Variants in CCDC146 observed in about 807,000 individuals in gnomAD.
CCDC146 encodes the protein coiled-coil domain containing 146, also known as coiled-coil domain-containing protein 146.
In CCDC146, 92 loss-of-function variants were observed where a neutral mutation model predicts 119.3. The observed-to-expected ratio is 0.77, with a 90% confidence interval of 0.65 to 0.92. The LOEUF (loss-of-function observed/expected upper bound fraction) is 0.92. Among genes scored for constraint, CCDC146 ranks in the 40% least tolerant of loss-of-function variants. The probability of loss-of-function intolerance (pLI) is 0.00; values close to 1 mark genes in which losing one functional copy is unlikely to be tolerated. For synonymous variants in CCDC146, 372 were observed against 371.8 expected, an observed-to-expected ratio of 1.00 and a Z score of -0.01; for missense variants, 1,000 against 1,103.0, an observed-to-expected ratio of 0.91 and a Z score of 1.32.
chr7:77,127,153 AC>A (rs951336352), intron 1 of CCDC146, among the ~76,000 whole-genome samples: 47 of 152,220 alleles, frequency 3.1e-4, no homozygotes, highest in African/African-American at 1.1e-3. Flanking sequence ...TGGCAGCTGC[AC>A]CCAGGGAGCT....
chr7:77,288,990 T>G (rs17151097), intron 17 of CCDC146, among the ~76,000 whole-genome samples: 37,028 of 152,096 alleles, frequency 0.24, 5,342 homozygotes, highest in African/African-American at 0.39. Context: ...TTGACTATTA[T>G]GCTTCTGCTC....
intron 4 of CCDC146, among the ~76,000 whole-genome samples, chr7:77,247,743 C>A (rs1474016482): frequency 6.6e-6 from 1 of 152,128 alleles, no homozygotes; most frequent in Non-Finnish European, 1.5e-5. Context: ...AATGATATAT[C>A]ATTTTATACC....
intron 2 of CCDC146, among the ~76,000 whole-genome samples, chr7:77,220,496 G>A (rs1562837166): frequency 6.6e-6 from 1 of 152,180 alleles, no homozygotes; most frequent in Non-Finnish European, 1.5e-5. Flanking sequence ...AGAGATTAAA[G>A]TAAAGACAGG....
At chr7:77,131,439 C>T (rs993430810) in intron 1 of CCDC146, among the ~76,000 whole-genome samples, 31 of 151,976 alleles carry the variant, frequency 2.0e-4, no homozygotes, top group Non-Finnish European at 4.0e-4. Context: ...AAGAACAGGC[C>T]GGGTGCAGTG....
At chr7:77,184,787 T>C (rs1441072615) in intron 2 of CCDC146, among the ~76,000 whole-genome samples, 1 of 152,218 alleles carries the variant, frequency 6.6e-6, no homozygotes, top group Non-Finnish European at 1.5e-5. Flanking sequence ...CTAGGTTAAA[T>C]AGGGACATTA....
chr7:77,158,612 C>T (rs939213232), intron 1 of CCDC146, among the ~76,000 whole-genome samples: 1 of 152,070 alleles, frequency 6.6e-6, no homozygotes, highest in Non-Finnish European at 1.5e-5. Flanking sequence ...CTCTGCCTTC[C>T]AGGTTCAAAC....
intron 4 of CCDC146, among the ~76,000 whole-genome samples, chr7:77,249,649 G>T (rs1207748414): frequency 1.3e-5 from 2 of 151,820 alleles, no homozygotes; most frequent in Non-Finnish European, 2.9e-5. Context: ...TGTTAGCATG[G>T]CATATCTTTC....
intron 1 of CCDC146, among the ~76,000 whole-genome samples, chr7:77,139,280 C>T (rs1790901144): frequency 6.6e-6 from 1 of 152,170 alleles, no homozygotes; most frequent in South Asian, 2.1e-4. Context: ...TACTGCATGA[C>T]TTCAGCTATA....
intron 17 of CCDC146, among the ~76,000 whole-genome samples, chr7:77,291,904 A>G (rs1442343450): frequency 2.0e-5 from 3 of 152,248 alleles, no homozygotes; most frequent in African/African-American, 7.2e-5. Context: ...TCTGCTGATT[A>G]TCTTATATAA....
intron 1 of CCDC146, among the ~76,000 whole-genome samples, chr7:77,149,810 A>G (rs1290012326): frequency 1.3e-5 from 2 of 150,924 alleles, no homozygotes; most frequent in African/African-American, 4.9e-5. Context: ...AGAGAGAGAG[A>G]CTTAGTATAA....
chr7:77,157,869 A>G (rs1208951298), intron 1 of CCDC146, among the ~76,000 whole-genome samples: 1 of 152,190 alleles, frequency 6.6e-6, no homozygotes, highest in Non-Finnish European at 1.5e-5. Context: ...TCTTGCTGCC[A>G]GTCTCTGCGT....
intron 1 of CCDC146, among the ~76,000 whole-genome samples, chr7:77,137,907 T>A (rs1790881202): frequency 6.6e-6 from 1 of 150,616 alleles, no homozygotes; most frequent in Non-Finnish European, 1.5e-5. Flanking sequence ...GTAACAAAAG[T>A]GCAATAGACT....
At chr7:77,258,845 G>A (rs539510047) in intron 6 of CCDC146, 150 bp from the exon 7 acceptor site, 31 of 611,154 alleles carry the variant, frequency 5.1e-5, no homozygotes, top group South Asian at 4.2e-4. Flanking sequence ...CAAGGTCACC[G>A]TGAGTATTAA....
rs766232466 is a variant in CCDC146, at chr7:77,273,758, T to G, written c.1238T>G (p.Val413Gly). The G allele has an allele frequency of 1.2e-6, 2 of 1,611,306 alleles. No individual in the cohort carries two copies. The highest frequency in any genetic ancestry group is 8.5e-7 in the Non-Finnish European group (1 of 1,178,112). Reference protein sequence around the residue: ...SERRRELHKEVEVAKRNLAQQ... With the variant: ...SERRRELHKEGEVAKRNLAQQ... ...AGAAGGCGAGAGCTTCACAAGGAAGTTGAAGTAGCTAAGAGGAATTTGGCC... is the reference window on the plus strand; with the variant it reads ...AGAAGGCGAGAGCTTCACAAGGAAGGTGAAGTAGCTAAGAGGAATTTGGCC... Residue 413 changes from valine (V) to glycine (G), a missense_variant, in exon 10 of 19, where the codon GTT becomes GGT. Val to Gly is a moderately radical substitution (Grantham distance 109). This residue lies in a region of CCDC146 where 985 missense variants were observed against 1,045.3 expected (regional missense o/e 0.94). Transcript: ENST00000285871.
chr7:77,260,235 AG>A lies in CCDC146; in HGVS notation c.986+1del. The A allele has an allele frequency of 6.2e-7, 1 of 1,604,882 alleles. No homozygotes were observed. On this transcript the variant is annotated frameshift_variant and splice_region_variant, in exon 8 of 19. Coordinates refer to ENST00000285871, the MANE Select transcript of CCDC146 (RefSeq NM_020879.3). LOFTEE classifies it high-confidence loss of function. The stretch of plus-strand genomic sequence containing the variant: ...GAATGAAGCAACTTCATTAACTGAA[AG>A]GTTAGTTATATTTATGTATGTTATG... The part of the protein sequence containing the change: ...RENEATSLTE[R>X]GILDLNLRNS...
chr7:77,274,716 GC>G lies in CCDC146; in HGVS notation c.1440+66del. Reference sequence around the variant, plus strand: ...GAGTTCAGGGTAGCCTCATTATAATGCCACGTGCATTAGGACATGGATGAAG... The same window carrying G: ...GAGTTCAGGGTAGCCTCATTATAATGCACGTGCATTAGGACATGGATGAAG... On this transcript the variant is annotated intron_variant, in intron 11 of 18. Transcript: ENST00000285871. 3 of 1,292,304 alleles carry G rather than the reference GC, an allele frequency of 2.3e-6. No homozygotes were observed. In the South Asian group the frequency reaches 4.2e-5, roughly 18 times the overall value. 80.1% of individuals were successfully genotyped at this position (1,292,304 alleles called of 1,614,324 possible).
At chr7:77,129,805 CTTCT>C (rs1457682200) in intron 1 of CCDC146, among the ~76,000 whole-genome samples, 2 of 152,132 alleles carry the variant, frequency 1.3e-5, no homozygotes, top group African/African-American at 2.4e-5. Flanking sequence ...ACATCATACT[CTTCT>C]TTAATTCTTT....
chr7:77,130,887 G>A (rs1029047415), intron 1 of CCDC146, among the ~76,000 whole-genome samples: 1 of 144,458 alleles, frequency 6.9e-6, no homozygotes, highest in Admixed American at 7.0e-5. Context: ...GTGAGCCACC[G>A]CGCCCGGCCC....
At chr7:77,149,887 C>T (rs934445283) in intron 1 of CCDC146, among the ~76,000 whole-genome samples, 1 of 150,928 alleles carries the variant, frequency 6.6e-6, no homozygotes, top group African/African-American at 2.4e-5. Context: ...GAATAGAGTA[C>T]CAAAATAGAC....
Sources: gnomAD v4.1 joint callset for allele counts (sites outside exome capture counted in the v4.1 genomes callset) on GRCh38, gnomAD v4.1.1 for gene constraint, gnomAD v4.1.1 regional missense constraint, MANE v1.5 for transcripts, NCBI Gene and HGNC (gene_info 2026-07-23, HGNC 2026-07-21) for gene names.